The following GPM6A variants were observed in gnomAD, a reference collection of about 807,000 sequenced individuals.
The protein encoded by GPM6A is neuronal membrane glycoprotein M6-a.
Under a neutral mutation model 32.1 loss-of-function variants are expected in GPM6A, and 7 were observed. That is an observed-to-expected ratio of 0.22 (90% CI 0.12 to 0.41). GPM6A has a LOEUF of 0.41. GPM6A is among the 10% of genes least tolerant of loss of function. The probability of loss-of-function intolerance (pLI) is 1.00; values close to 1 mark genes in which losing one functional copy is unlikely to be tolerated. For synonymous variants in GPM6A, 130 were observed against 123.4 expected (o/e 1.05, Z -0.35); for missense variants, 235 against 347.2 (o/e 0.68, Z 2.57).
chr4:175,833,791 C>A (rs1209217121), intron 1 of GPM6A, among the ~76,000 whole-genome samples: 2 of 151,998 alleles, frequency 1.3e-5, no homozygotes, highest in Admixed American at 1.3e-4. Context: ...AACCTCAAAT[C>A]AGCTATACCC....
intron 1 of GPM6A, among the ~76,000 whole-genome samples, chr4:175,857,379 C>T (rs1163923040): frequency 6.6e-6 from 1 of 151,956 alleles, no homozygotes; most frequent in Non-Finnish European, 1.5e-5. Context: ...AAGTACAAAA[C>T]CACTTGAAGG....
chr4:175,939,222 A>C (rs1467776110), intron 1 of GPM6A, among the ~76,000 whole-genome samples: 1 of 152,190 alleles, frequency 6.6e-6, no homozygotes, highest in Non-Finnish European at 1.5e-5. Context: ...TGTTCCAGCA[A>C]ATACAATAAA....
chr4:175,988,451 C>T (rs1579689686), intron 1 of GPM6A, among the ~76,000 whole-genome samples: 1 of 152,128 alleles, frequency 6.6e-6, no homozygotes, highest in African/African-American at 2.4e-5. Context: ...TTCATTTTCA[C>T]TAGGAGATGA....
At chr4:175,880,212 T>C (rs1483996694) in intron 1 of GPM6A, among the ~76,000 whole-genome samples, 2 of 152,220 alleles carry the variant, frequency 1.3e-5, no homozygotes, top group Non-Finnish European at 2.9e-5. Flanking sequence ...TGTGGTATTA[T>C]TTCTGAGGGC....
At chr4:175,879,499 G>A (rs1737199142) in intron 1 of GPM6A, among the ~76,000 whole-genome samples, 1 of 152,168 alleles carries the variant, frequency 6.6e-6, no homozygotes, top group African/African-American at 2.4e-5. Context: ...GAGAATGAGT[G>A]TCAAGTGAAA....
intron 1 of GPM6A, among the ~76,000 whole-genome samples, chr4:175,967,069 A>G (rs1205882505): frequency 1.3e-5 from 2 of 152,196 alleles, no homozygotes; most frequent in African/African-American, 4.8e-5. Flanking sequence ...TTAGCAAATC[A>G]AATCCAACAA....
chr4:175,722,628 G>T (rs1317484521), intron 1 of GPM6A, among the ~76,000 whole-genome samples: 3 of 152,018 alleles, frequency 2.0e-5, no homozygotes, highest in Admixed American at 2.0e-4. Context: ...CCGGTGTGGG[G>T]TCTCTGACAC....
chr4:175,947,207 C>A (rs995742846), intron 1 of GPM6A, among the ~76,000 whole-genome samples: 1 of 150,678 alleles, frequency 6.6e-6, no homozygotes, highest in Admixed American at 6.6e-5. Context: ...AAAACACTAG[C>A]TCGAATTTCC....
At chr4:175,997,304 T>C (rs550929430) in intron 1 of GPM6A, among the ~76,000 whole-genome samples, 67 of 152,300 alleles carry the variant, frequency 4.4e-4, no homozygotes, top group Non-Finnish European at 7.8e-4. Flanking sequence ...ACTTTTATCT[T>C]CTTCCGCTGA....
intron 1 of GPM6A, among the ~76,000 whole-genome samples, chr4:175,992,189 A>G (rs375734481): frequency 2.6e-5 from 4 of 152,112 alleles, no homozygotes; most frequent in Admixed American, 2.6e-4. Flanking sequence ...ACTAATTAAT[A>G]ACATATTAAT....
chr4:175,670,411 G>A (rs1420828769), intron 3 of GPM6A, among the ~76,000 whole-genome samples: 1 of 152,074 alleles, frequency 6.6e-6, no homozygotes, highest in African/African-American at 2.4e-5. Flanking sequence ...ACACACTGAA[G>A]GTCTCCTAAT....
At chr4:175,936,032 A>G (rs4690420) in intron 1 of GPM6A, among the ~76,000 whole-genome samples, 13 of 151,938 alleles carry the variant, frequency 8.6e-5, no homozygotes, top group Admixed American at 3.3e-4. Context: ...ACGGCCGGGC[A>G]CGGTGGCTCA....
At chr4:175,891,113 A>G (rs1252819328) in intron 1 of GPM6A, among the ~76,000 whole-genome samples, 1 of 152,178 alleles carries the variant, frequency 6.6e-6, no homozygotes. Context: ...ACTTAACATA[A>G]GTAATTTTAC....
At chr4:175,855,475 T>C (rs1736388865) in intron 1 of GPM6A, among the ~76,000 whole-genome samples, 1 of 151,568 alleles carries the variant, frequency 6.6e-6, no homozygotes, top group Non-Finnish European at 1.5e-5. Flanking sequence ...ACTTAAGAGG[T>C]TGAGAGTAAG....
At chr4:175,703,906 A>G (rs548629475) in intron 1 of GPM6A, among the ~76,000 whole-genome samples, 6 of 152,272 alleles carry the variant, frequency 3.9e-5, no homozygotes, top group South Asian at 2.1e-4. Context: ...CCTTATGAAA[A>G]TCCTTGATCA....
chr4:175,921,320 T>C (rs1434046582), intron 1 of GPM6A, among the ~76,000 whole-genome samples: 1 of 152,198 alleles, frequency 6.6e-6, no homozygotes, highest in African/African-American at 2.4e-5. Flanking sequence ...TAATCTCAAA[T>C]TCACTTAAAT....
intron 2 of GPM6A, among the ~76,000 whole-genome samples, chr4:175,691,426 T>G (rs1744292593): frequency 6.6e-6 from 1 of 151,240 alleles, no homozygotes; most frequent in Admixed American, 6.6e-5. Context: ...GCATTGTAAA[T>G]TTTTTTAAAA....
intron 1 of GPM6A, among the ~76,000 whole-genome samples, chr4:175,900,374 A>T (rs1373577803): frequency 1.3e-5 from 2 of 150,748 alleles, no homozygotes; most frequent in African/African-American, 4.9e-5. Flanking sequence ...AAAAGAAAGG[A>T]AAGGAAAGGA....
chr4:175,982,781 G>A (rs1483072560), intron 1 of GPM6A, among the ~76,000 whole-genome samples: 1 of 151,950 alleles, frequency 6.6e-6, no homozygotes, highest in Admixed American at 6.6e-5. Context: ...CTTCTTGGTG[G>A]TATTTTTATT....
Sources: gnomAD v4.1 joint callset for allele counts (sites outside exome capture counted in the v4.1 genomes callset) on GRCh38, gnomAD v4.1.1 for gene constraint, MANE v1.5 for transcripts, NCBI Gene and HGNC (gene_info 2026-07-23, HGNC 2026-07-21) for gene names.